Variants in ROBO2 observed in about 807,000 individuals in gnomAD.
ROBO2 encodes roundabout guidance receptor 2.
A neutral mutation model predicts 160.8 loss-of-function variants in ROBO2; 53 were observed. The ratio of observed to expected loss-of-function variants is 0.33; its 90% CI spans 0.26 to 0.41. The LOEUF is 0.41. Ranked by LOEUF, ROBO2 falls within the 10% of genes least tolerant of loss-of-function variation. The pLI, the probability that ROBO2 is intolerant of heterozygous loss-of-function variation, is 1.00. For missense variants in ROBO2, 1,577 were observed against 1,722.4 expected (o/e 0.92, Z 1.49); for synonymous variants, 664 against 611.7 (o/e 1.09, Z -1.26).
rs1401278310 is a variant in ROBO2 at position 77,363,273 on chromosome 3, A to G, written c.389-114141A>G. Among the ~76,000 whole-genome samples the G allele has an allele frequency of 4.6e-5, 7 of 152,194 alleles. No homozygotes were observed. The East Asian group carries it at 1.3e-3, about 29-fold the overall frequency. ...AGTAAGATTTGCATTTGAAAAGATG[A>G]ATCTAGCTGCTCAAAAGCAAGAAGA... On this transcript the variant is annotated intron_variant, in intron 2 of 25. Coordinates refer to ENST00000461745, the Ensembl canonical transcript of ROBO2.
intron 2 of ROBO2, among the ~76,000 whole-genome samples, chr3:76,078,032 G>A (rs2068699116): frequency 6.6e-6 from 1 of 152,158 alleles, no homozygotes; most frequent in Non-Finnish European, 1.5e-5. Context: ...TCTTTCCAGA[G>A]AACTGCTTAA....
intron 2 of ROBO2, among the ~76,000 whole-genome samples, chr3:76,453,307 T>A (rs1274822737): frequency 6.6e-6 from 1 of 152,154 alleles, no homozygotes. Flanking sequence ...TTATAGTTTT[T>A]AGCTCTAACG....
intron 2 of ROBO2, among the ~76,000 whole-genome samples, chr3:76,762,139 T>C (rs1390527254): frequency 6.6e-6 from 1 of 151,576 alleles, no homozygotes; most frequent in Admixed American, 6.6e-5. Flanking sequence ...TTTAAAAATA[T>C]GGATTTTTTA....
intron 2 of ROBO2, among the ~76,000 whole-genome samples, chr3:77,414,089 T>C (rs2077017864): frequency 1.3e-5 from 2 of 150,954 alleles, no homozygotes; most frequent in South Asian, 4.2e-4. Flanking sequence ...CAGAGGAGAC[T>C]GAGAAAAAAA....
intron 1 of ROBO2, among the ~76,000 whole-genome samples, chr3:77,076,922 A>T (rs1321515876): frequency 6.6e-6 from 1 of 152,182 alleles, no homozygotes; most frequent in East Asian, 1.9e-4. Context: ...AAAGTTTTTA[A>T]GGAAGGGATT....
intron 2 of ROBO2, among the ~76,000 whole-genome samples, chr3:77,156,864 G>A (rs1434734464): frequency 1.1e-4 from 17 of 151,644 alleles, no homozygotes. Flanking sequence ...TTTGAATAGA[G>A]TTCTTCTGTT....
At chr3:76,306,845 T>C (rs2071357714) in intron 2 of ROBO2, among the ~76,000 whole-genome samples, 2 of 152,254 alleles carry the variant, frequency 1.3e-5, no homozygotes, top group South Asian at 4.1e-4. Context: ...TTATTCCCAC[T>C]GTTTTCAGTT....
At chr3:77,345,873 A>T (rs1288423613) in intron 2 of ROBO2, among the ~76,000 whole-genome samples, 1 of 152,172 alleles carries the variant, frequency 6.6e-6, no homozygotes, top group East Asian at 1.9e-4. Context: ...TGATATTAAA[A>T]TGTTAGCCAC....
At chr3:76,359,221 C>T (rs142986552) in intron 2 of ROBO2, among the ~76,000 whole-genome samples, 194 of 151,662 alleles carry the variant, frequency 1.3e-3, no homozygotes, top group Non-Finnish European at 1.8e-3. Context: ...TGAATAGTGC[C>T]GCAATAAACA....
chr3:77,377,859 G>A (rs2072901972), intron 2 of ROBO2, among the ~76,000 whole-genome samples: 1 of 152,160 alleles, frequency 6.6e-6, no homozygotes, highest in Admixed American at 6.5e-5. Context: ...GTGACTAATG[G>A]TATTAGTTCT....
chr3:77,434,882 C>T (rs951523585), intron 2 of ROBO2, among the ~76,000 whole-genome samples: 5 of 151,998 alleles, frequency 3.3e-5, no homozygotes, highest in Admixed American at 6.6e-5. Flanking sequence ...AATGCACTCG[C>T]ATATAAAATG....
intron 2 of ROBO2, among the ~76,000 whole-genome samples, chr3:76,832,902 C>T (rs1157811487): frequency 6.6e-6 from 1 of 152,028 alleles, no homozygotes; most frequent in Non-Finnish European, 1.5e-5. Flanking sequence ...CATTCTTTAT[C>T]AGAGAGAAAA....
chr3:76,433,992 G>A, intron 2 of ROBO2: 2 of 870,238 alleles, frequency 2.3e-6, no homozygotes, highest in Non-Finnish European at 4.0e-6. Flanking sequence ...GTCCAGAGGT[G>A]AGTCAGAACT....
At chr3:76,043,638 A>AAAC (rs2067352698) in intron 2 of ROBO2, among the ~76,000 whole-genome samples, 1 of 150,260 alleles carries the variant, frequency 6.7e-6, no homozygotes, top group Non-Finnish European at 1.5e-5. Flanking sequence ...AAAAAAAAAA[A>AAAC]AAAAAAAACC....
At chr3:76,944,897 T>A (rs2078421540) in intron 2 of ROBO2, among the ~76,000 whole-genome samples, 1 of 146,480 alleles carries the variant, frequency 6.8e-6, no homozygotes, top group African/African-American at 2.5e-5. Flanking sequence ...TGTGATGGCT[T>A]TTTTTTTTTT....
chr3:76,387,688 C>G (rs765659480), intron 2 of ROBO2, among the ~76,000 whole-genome samples: 2 of 152,038 alleles, frequency 1.3e-5, no homozygotes, highest in African/African-American at 4.8e-5. Context: ...AAAAATTAAG[C>G]AACTTGTTTA....
At chr3:77,072,389 A>G (rs757268342) in intron 1 of ROBO2, among the ~76,000 whole-genome samples, 2 of 152,166 alleles carry the variant, frequency 1.3e-5, no homozygotes, top group East Asian at 1.9e-4. Context: ...TGCCGCCCAC[A>G]CTACTCCATG....
At chr3:77,529,909 T>A (rs1387370309) in intron 6 of ROBO2, among the ~76,000 whole-genome samples, 1 of 151,942 alleles carries the variant, frequency 6.6e-6, no homozygotes, top group Non-Finnish European at 1.5e-5. Context: ...AGAAGACACA[T>A]AATAAGGCAA....
intron 2 of ROBO2, among the ~76,000 whole-genome samples, chr3:77,389,401 C>T (rs996563600): frequency 2.0e-4 from 31 of 151,958 alleles, no homozygotes; most frequent in African/African-American, 7.2e-4. Context: ...GTTCAGTAGC[C>T]CCATGCGGGC....
Sources: allele counts gnomAD v4.1 joint callset (sites outside exome capture counted in the v4.1 genomes callset), GRCh38; gene constraint gnomAD v4.1.1; transcripts MANE v1.5; gene names NCBI Gene and HGNC (gene_info 2026-07-23, HGNC 2026-07-21).